The following PRELID2 variants were observed in gnomAD, a reference collection of about 807,000 sequenced individuals.
PRELID2 encodes PRELI domain containing 2.
A neutral mutation model predicts 28.4 loss-of-function variants in PRELID2; 25 were observed. The ratio of observed to expected loss-of-function variants is 0.88; its 90% CI spans 0.64 to 1.23. PRELID2 has a LOEUF of 1.23. Ranked by LOEUF, PRELID2 falls within the 50% of genes most tolerant of loss-of-function variation. PRELID2 has a pLI of 0.00. For synonymous variants in PRELID2, 76 were observed against 71.6 expected (o/e 1.06, Z -0.31); for missense variants, 201 against 214.4 (o/e 0.94, Z 0.39).
intron 1 of PRELID2, among the ~76,000 whole-genome samples, chr5:145,739,886 A>C (rs1352066466): frequency 6.6e-6 from 1 of 151,934 alleles, no homozygotes. Context: ...TCAAATTATA[A>C]AATGTATCCA....
intron 1 of PRELID2, among the ~76,000 whole-genome samples, chr5:145,577,547 A>T (rs890288506): frequency 5.3e-5 from 8 of 152,058 alleles, no homozygotes; most frequent in Non-Finnish European, 7.4e-5. Flanking sequence ...ACTTGAAAAT[A>T]CAGTCAGAAG....
chr5:145,663,630 T>C (rs904810843), intron 1 of PRELID2, among the ~76,000 whole-genome samples: 8 of 152,142 alleles, frequency 5.3e-5, no homozygotes, highest in Non-Finnish European at 7.4e-5. Context: ...CTTGTCTCCA[T>C]TAATAAGTCT....
the PRELID2 span, among the ~76,000 whole-genome samples, chr5:145,382,918 A>T: frequency 6.6e-6 from 1 of 151,930 alleles, no homozygotes; most frequent in African/African-American, 2.4e-5. Context: ...TGTAAACTTT[A>T]CCAAAATATA....
chr5:145,498,282 T>C (rs1374587422), intron 1 of PRELID2, among the ~76,000 whole-genome samples: 1 of 152,196 alleles, frequency 6.6e-6, no homozygotes, highest in Non-Finnish European at 1.5e-5. Context: ...GGAAGGTCAA[T>C]ATTATTTGTA....
the PRELID2 span, among the ~76,000 whole-genome samples, chr5:145,251,940 C>T: frequency 1.3e-5 from 2 of 152,130 alleles, no homozygotes; most frequent in African/African-American, 4.8e-5. Flanking sequence ...CTTGTCTCAA[C>T]TTTTCTGGTG....
chr5:145,814,072 GT>G (rs1033092754), intron 4 of PRELID2, among the ~76,000 whole-genome samples: 1 of 152,024 alleles, frequency 6.6e-6, no homozygotes, highest in Non-Finnish European at 1.5e-5. Flanking sequence ...CTCAGAACTG[GT>G]TTTTTTACAA....
chr5:145,796,551 C>CA lies in PRELID2; in HGVS notation c.369-5dup, dbSNP rs761204647. ...GCCTCTTTGAATGAACTCTGTCCTGCAAAAAAAACAAAAAACACATCTTTG... is the reference window on the plus strand; with the variant it reads ...GCCTCTTTGAATGAACTCTGTCCTGCAAAAAAAAACAAAAAACACATCTTTG... On this transcript the variant is annotated splice_polypyrimidine_tract_variant and splice_region_variant and intron_variant, in intron 4 of 6. Coordinates refer to ENST00000683046, the MANE Select transcript of PRELID2 (RefSeq NM_205846.3). The CA allele has an allele frequency of 1.3e-4, 203 of 1,543,234 alleles. No homozygotes were observed. The highest frequency in any genetic ancestry group is 2.3e-4 in the East Asian group (10 of 43,248).
intron 1 of PRELID2, among the ~76,000 whole-genome samples, chr5:145,602,535 T>C (rs1753412356): frequency 6.6e-6 from 1 of 152,010 alleles, no homozygotes; most frequent in Non-Finnish European, 1.5e-5. Context: ...GTAATGGAAG[T>C]AGCAGATGCA....
At chr5:145,573,438 G>A (rs10073313) in intron 1 of PRELID2, among the ~76,000 whole-genome samples, 2,247 of 151,560 alleles carry the variant, frequency 0.015, 58 homozygotes, top group African/African-American at 0.051. Context: ...CTATCAACCC[G>A]TCATCTACCT....
chr5:145,364,308 G>A, the PRELID2 span, among the ~76,000 whole-genome samples: 4 of 151,916 alleles, frequency 2.6e-5, no homozygotes, highest in African/African-American at 7.2e-5. Context: ...GCATCTGGGG[G>A]ATGCATTACA....
chr5:145,450,430 C>T, the PRELID2 span, among the ~76,000 whole-genome samples: 5 of 152,042 alleles, frequency 3.3e-5, no homozygotes, highest in African/African-American at 1.2e-4. Context: ...ATTTTCAGCA[C>T]AAGGAGAAGC....
intron 1 of PRELID2, among the ~76,000 whole-genome samples, chr5:145,509,392 A>C (rs1752441930): frequency 6.6e-6 from 1 of 152,198 alleles, no homozygotes; most frequent in Non-Finnish European, 1.5e-5. Context: ...CTCTATGACA[A>C]GATGCTTTTA....
chr5:145,743,411 CAAAAAAAA>C (rs59424142), intron 1 of PRELID2, among the ~76,000 whole-genome samples: 1 of 101,788 alleles, frequency 9.8e-6, no homozygotes, highest in African/African-American at 3.8e-5. Flanking sequence ...AACTCTGCGG[CAAAAAAAA>C]AAAAAAAAAA....
At chr5:145,305,225 G>A in the PRELID2 span, among the ~76,000 whole-genome samples, 1 of 152,174 alleles carries the variant, frequency 6.6e-6, no homozygotes, top group East Asian at 1.9e-4. Context: ...AACTGAGTTA[G>A]TAGATATGAT....
intron 1 of PRELID2, among the ~76,000 whole-genome samples, chr5:145,523,199 C>CA (rs1752578378): frequency 6.6e-6 from 1 of 152,100 alleles, no homozygotes; most frequent in African/African-American, 2.4e-5. Flanking sequence ...AGATGAGAAA[C>CA]ATGATGTCAA....
intron 1 of PRELID2, among the ~76,000 whole-genome samples, chr5:145,581,528 C>G (rs1209259994): frequency 1.3e-5 from 2 of 152,112 alleles, no homozygotes; most frequent in South Asian, 4.1e-4. Context: ...TTTTGCACAA[C>G]TGGATACTTG....
the PRELID2 span, among the ~76,000 whole-genome samples, chr5:145,387,713 C>A: frequency 6.6e-6 from 1 of 152,064 alleles, no homozygotes; most frequent in Non-Finnish European, 1.5e-5. Context: ...GGGAGGATTG[C>A]TTCAGCCCAG....
At chr5:145,298,021 T>C in the PRELID2 span, among the ~76,000 whole-genome samples, 3 of 152,020 alleles carry the variant, frequency 2.0e-5, no homozygotes, top group Non-Finnish European at 4.4e-5. Context: ...GAAGAATCAA[T>C]ATCATGAAAA....
chr5:145,420,340 A>T, the PRELID2 span, among the ~76,000 whole-genome samples: 3 of 151,914 alleles, frequency 2.0e-5, no homozygotes, highest in East Asian at 1.9e-4. Context: ...CCATTTTCAC[A>T]ATATTGATTC....
Sources: gnomAD v4.1 joint callset for allele counts (sites outside exome capture counted in the v4.1 genomes callset) on GRCh38, gnomAD v4.1.1 for gene constraint, MANE v1.5 for transcripts, NCBI Gene and HGNC (gene_info 2026-07-23, HGNC 2026-07-21) for gene names.